The following FAM53A variants were observed in gnomAD, a reference collection of about 807,000 sequenced individuals.
The protein encoded by FAM53A is protein FAM53A.
Under a neutral mutation model 26.6 loss-of-function variants are expected in FAM53A, and 28 were observed. The observed-to-expected ratio is 1.05, with a 90% CI of 0.78 to 1.45. The LOEUF is 1.45. FAM53A is among the 40% of genes most tolerant of loss of function. The pLI is 0.00. For synonymous variants in FAM53A, 290 were observed against 253.1 expected (o/e 1.15, Z -1.38); for missense variants, 650 against 575.8 (o/e 1.13, Z -1.32).
Position 1,657,439 on chromosome 4 carries a change from C to T in FAM53A, c.105G>A (p.Lys35=), listed in dbSNP as rs763990800. ...PLQYSAETLN[K]SGRLFPLELN... ...GCTCCAAAGGGAACAGACGACCGCT[C>T]TTGTTCAGGGTTTCCGCAGAATACT... Residue 35 remains lysine, a synonymous_variant, in exon 3 of 5, where the codon AAG becomes AAA. Transcript: ENST00000308132. 41 of 1,613,776 alleles carry T rather than the reference C, an allele frequency of 2.5e-5. No individual in the cohort carries two copies. The highest frequency in any genetic ancestry group is 1.6e-4 in the Middle Eastern group (1 of 6,084).
chr4:1,635,685 C>G (rs760399499), downstream of FAM53A, among the ~76,000 whole-genome samples: 9 of 152,156 alleles, frequency 5.9e-5, no homozygotes, highest in East Asian at 1.7e-3. Flanking sequence ...CCACTGCCAA[C>G]GGTTCTAAGT....
At chr4:1,611,592 G>A in the FAM53A span, among the ~76,000 whole-genome samples, 2 of 152,234 alleles carry the variant, frequency 1.3e-5, no homozygotes, top group Non-Finnish European at 2.9e-5. Context: ...GACACAGGCA[G>A]GTACCAAGGC....
At chr4:1,614,209 G>A (rs1319111216), downstream of FAM53A, among the ~76,000 whole-genome samples, 4 of 152,152 alleles carry the variant, frequency 2.6e-5, no homozygotes, top group Non-Finnish European at 5.9e-5. Context: ...CCCAGAGGCC[G>A]GCTGTGGGGC....
In FAM53A at chr4:1,655,633, G is replaced by C; in HGVS notation, c.227C>G (p.Ser76Cys). ...GPDFSFLPGL[S>C]AAAHTMGLQW... ...AAGACCCATGGTGTGAGCGGCAGCA[G>C]ACAGGCCCGGCAGGAAGGAGAAATC... Residue 76 changes from serine to cysteine, a missense_variant, in exon 4 of 5, where the codon TCT becomes TGT. Transcript: ENST00000308132. 6.3e-7 allele frequency: 1 copy of C among 1,595,172 alleles called. No individual in the cohort carries two copies. The highest frequency in any genetic ancestry group is 8.5e-7 in the Non-Finnish European group (1 of 1,171,624).
chr4:1,651,695 C>T (rs1484232232), intron 4 of FAM53A, among the ~76,000 whole-genome samples: 2 of 139,228 alleles, frequency 1.4e-5, no homozygotes, highest in African/African-American at 2.6e-5. Flanking sequence ...GCCTGGGTGA[C>T]CAGCGCTTGC....
At chr4:1,632,726 G>T (rs1201137705) in intron 1 of FAM53A, among the ~76,000 whole-genome samples, 1 of 152,260 alleles carries the variant, frequency 6.6e-6, no homozygotes, top group Non-Finnish European at 1.5e-5. Context: ...TTGCACGCCT[G>T]TGTATACACA....
intron 4 of FAM53A, among the ~76,000 whole-genome samples, chr4:1,651,014 C>T (rs1164933477): frequency 3.4e-5 from 5 of 146,424 alleles, no homozygotes; most frequent in African/African-American, 1.0e-4. Flanking sequence ...GTGAGGAGTT[C>T]GAGACCAGCC....
At chr4:1,597,172 C>A in the FAM53A span, among the ~76,000 whole-genome samples, 1 of 152,138 alleles carries the variant, frequency 6.6e-6, no homozygotes, top group Non-Finnish European at 1.5e-5. Flanking sequence ...AGAACACAGA[C>A]ACCGGGCACC....
At chr4:1,685,436 C>T (rs1341956785), upstream of FAM53A, among the ~76,000 whole-genome samples, 16 of 151,886 alleles carry the variant, frequency 1.1e-4, no homozygotes, top group Non-Finnish European at 2.4e-4. Flanking sequence ...ACAGTGGACA[C>T]TGTGGGCAGA....
chr4:1,604,432 C>G, the FAM53A span, among the ~76,000 whole-genome samples: 2 of 152,128 alleles, frequency 1.3e-5, no homozygotes, highest in African/African-American at 2.4e-5. Flanking sequence ...CGTGGAGGGT[C>G]CCGTACCGTG....
At chr4:1,586,855 A>G in the FAM53A span, among the ~76,000 whole-genome samples, 78 of 151,298 alleles carry the variant, frequency 5.2e-4, no homozygotes, top group Middle Eastern at 3.4e-3. Context: ...TTTTTGAAGC[A>G]CCTCTGTACT....
intron 1 of FAM53A, among the ~76,000 whole-genome samples, chr4:1,679,002 A>G (rs2109061803): frequency 6.6e-6 from 1 of 152,306 alleles, no homozygotes; most frequent in African/African-American, 2.4e-5. Context: ...CACGATCCAT[A>G]AAAGAAAGAA....
At chr4:1,615,279 T>C (rs1327610798), downstream of FAM53A, among the ~76,000 whole-genome samples, 1 of 134,954 alleles carries the variant, frequency 7.4e-6, no homozygotes, top group Non-Finnish European at 1.5e-5. Flanking sequence ...CCACCCTACC[T>C]GGGCCCACAC....
At chr4:1,642,946 C>T (rs1365888011) in intron 4 of FAM53A, among the ~76,000 whole-genome samples, 1 of 152,230 alleles carries the variant, frequency 6.6e-6, no homozygotes, top group Non-Finnish European at 1.5e-5. Context: ...CAAGGCCACA[C>T]TGACACAGCA....
intron 2 of FAM53A, among the ~76,000 whole-genome samples, chr4:1,661,522 C>T (rs571065890): frequency 1.3e-5 from 2 of 152,336 alleles, no homozygotes; most frequent in Admixed American, 1.3e-4. Context: ...GGCCCTACCG[C>T]CTCCTGGCTG....
In FAM53A at chr4:1,641,485, C is replaced by A; in HGVS notation, c.1005G>T (p.Met335Ile). Residue 335 changes from methionine to isoleucine, a missense_variant, in exon 5 of 5, where the codon ATG (methionine) becomes ATT (isoleucine). Physicochemically the swap from Met to Ile is conservative, Grantham distance 10. Transcript: ENST00000308132. ...CDSRGLPGIT[M>I]PGCSQRGLRT... ...TGAGGCCCCTCTGGCTGCAGCCAGG[C>A]ATGGTGATGCCAGGGAGGCCCCGGG... 6.2e-7 allele frequency: 1 copy of A among 1,614,208 alleles called. No individual in the cohort carries two copies. The highest frequency in any genetic ancestry group is 8.5e-7 in the Non-Finnish European group (1 of 1,180,028).
chr4:1,654,722 T>C (rs1475736333), intron 4 of FAM53A, among the ~76,000 whole-genome samples: 2 of 152,174 alleles, frequency 1.3e-5, no homozygotes, highest in Non-Finnish European at 2.9e-5. Flanking sequence ...ACTGCAAGCC[T>C]GGCCGGCCAC....
At chr4:1,619,847 C>T (rs1312952808) in intron 1 of FAM53A, among the ~76,000 whole-genome samples, 7 of 152,238 alleles carry the variant, frequency 4.6e-5, no homozygotes, top group African/African-American at 7.2e-5. Flanking sequence ...TGCTTCACTT[C>T]ATCTGCCCTG....
At chr4:1,615,678 C>T (rs1714788690), downstream of FAM53A, among the ~76,000 whole-genome samples, 1 of 152,282 alleles carries the variant, frequency 6.6e-6, no homozygotes, top group Non-Finnish European at 1.5e-5. Context: ...TGGGCGCACA[C>T]AGGGGATGGC....
Sources: gnomAD v4.1 joint callset for allele counts (sites outside exome capture counted in the v4.1 genomes callset) on GRCh38, gnomAD v4.1.1 for gene constraint, MANE v1.5 for transcripts, NCBI Gene and HGNC (gene_info 2026-07-23, HGNC 2026-07-21) for gene names.